NUBPL: variants seen among roughly 807,000 people sequenced by gnomAD.
NUBPL encodes NUBP iron-sulfur cluster assembly factor, mitochondrial.
NUBPL carries 31 observed loss-of-function variants against 45.7 expected under a neutral mutation model. The ratio of observed to expected loss-of-function variants is 0.68; its 90% CI spans 0.51 to 0.92. NUBPL has a LOEUF of 0.92. Among genes scored for constraint, NUBPL ranks in the 40% least tolerant of loss-of-function variants. The pLI, the probability that NUBPL is intolerant of heterozygous loss-of-function variation, is 0.00. For missense variants in NUBPL, 401 were observed against 398.7 expected, an observed-to-expected ratio of 1.01 and a Z score of -0.05; for synonymous variants, 144 against 140.9, an observed-to-expected ratio of 1.02 and a Z score of -0.15.
At chr14:31,829,829 A>G (rs2040161769) in intron 8 of NUBPL, among the ~76,000 whole-genome samples, 1 of 152,174 alleles carries the variant, frequency 6.6e-6, no homozygotes, top group African/African-American at 2.4e-5. Flanking sequence ...GAGATGAGCT[A>G]TTAAATTCTC....
chr14:31,672,775 G>A (rs59567287), intron 4 of NUBPL, among the ~76,000 whole-genome samples: 2,993 of 152,226 alleles, frequency 0.02, 90 homozygotes, highest in African/African-American at 0.069. Flanking sequence ...AATTGTATTT[G>A]AAGTATTTCT....
chr14:31,582,127 G>T (rs1376207119), intron 3 of NUBPL, among the ~76,000 whole-genome samples: 1 of 151,894 alleles, frequency 6.6e-6, no homozygotes, highest in Non-Finnish European at 1.5e-5. Context: ...AGGTGAATTG[G>T]GTACTGGCTA....
intron 4 of NUBPL, among the ~76,000 whole-genome samples, chr14:31,661,382 T>C (rs1380839901): frequency 6.6e-6 from 1 of 152,244 alleles, no homozygotes; most frequent in Non-Finnish European, 1.5e-5. Flanking sequence ...TAAGTTTTTC[T>C]ATTAAGTTTA....
At position 31,730,569 on chromosome 14, in the gene NUBPL, T is replaced by A. The variant is rs566313764; in HGVS notation, c.513+56995T>A. Among the ~76,000 whole-genome samples the A allele has an allele frequency of 1.6e-4, 24 of 151,876 alleles. No homozygotes were observed. The South Asian group carries it at 4.8e-3, about 30-fold the overall frequency. Reference sequence around the variant, plus strand: ...AGCTCCGCCTCCTGGGTTCACGCCATTCTCCTGCCTCAGTCTCCCGAGTAG... The same window carrying A: ...AGCTCCGCCTCCTGGGTTCACGCCAATCTCCTGCCTCAGTCTCCCGAGTAG... On this transcript the variant is annotated intron_variant, in intron 6 of 10. Coordinates refer to ENST00000281081, the MANE Select transcript of NUBPL (RefSeq NM_025152.3).
chr14:31,792,240 A>G (rs1294484609), intron 7 of NUBPL, among the ~76,000 whole-genome samples: 1 of 152,182 alleles, frequency 6.6e-6, no homozygotes, highest in African/African-American at 2.4e-5. Context: ...CCTGATAAAA[A>G]AATAAATTTA....
chr14:31,732,609 C>CTTTTTTTT lies in NUBPL; in HGVS notation c.514-55158_514-55151dup, dbSNP rs71986817. 2.5e-3 allele frequency among the ~76,000 whole-genome samples: 202 copies of CTTTTTTTT among 81,036 alleles called. 1 individual carries two copies. Among genetic ancestry groups the CTTTTTTTT allele is most frequent in the Admixed American group, 6.1e-3 (40 of 6,594 alleles). The allele number at this position is 81,036 out of a possible 152,430, so 53.2% of individuals were successfully genotyped here. On this transcript the variant is annotated intron_variant, in intron 6 of 10. Coordinates refer to ENST00000281081, the MANE Select transcript of NUBPL (RefSeq NM_025152.3). The stretch of plus-strand genomic sequence containing the variant: ...TAAGTCCAGCTTATCAATTTGTTCT[C>CTTTTTTTT]TTTTTTTTTTTTTTTTTTTTGAGAT...
chr14:31,665,276 G>GT (rs1285675669), intron 4 of NUBPL, among the ~76,000 whole-genome samples: 2 of 152,002 alleles, frequency 1.3e-5, no homozygotes, highest in African/African-American at 4.8e-5. Context: ...TTTTGAATTT[G>GT]TTTGCTCTTG....
At chr14:31,682,817 T>C (rs1453835650) in intron 6 of NUBPL, among the ~76,000 whole-genome samples, 3 of 152,196 alleles carry the variant, frequency 2.0e-5, no homozygotes, top group Non-Finnish European at 4.4e-5. Context: ...AAGGAATACC[T>C]GAGGCTGGGT....
At chr14:31,643,298 G>A (rs902298968) in intron 4 of NUBPL, among the ~76,000 whole-genome samples, 59 of 151,976 alleles carry the variant, frequency 3.9e-4, no homozygotes, top group African/African-American at 1.3e-3. Context: ...GGGTTATACG[G>A]CCTTTATTAT....
chr14:31,792,872 G>T (rs779540554), intron 7 of NUBPL, among the ~76,000 whole-genome samples: 1 of 152,054 alleles, frequency 6.6e-6, no homozygotes, highest in Non-Finnish European at 1.5e-5. Flanking sequence ...TACCAAAAAT[G>T]ATTCAGCTCC....
intron 6 of NUBPL, among the ~76,000 whole-genome samples, chr14:31,749,879 G>A (rs1357434702): frequency 6.6e-6 from 1 of 152,042 alleles, no homozygotes; most frequent in East Asian, 1.9e-4. Flanking sequence ...TCCTGTAGGT[G>A]TTCTTCATTC....
At chr14:31,850,068 T>C in intron 9 of NUBPL, 51 bp from the exon 10 acceptor site, 1 of 1,333,220 alleles carries the variant, frequency 7.5e-7, no homozygotes, top group Non-Finnish European at 1.1e-6. Flanking sequence ...AGATTCAAAA[T>C]GCCTATATGA....
chr14:31,743,536 C>T (rs8011663), intron 6 of NUBPL, among the ~76,000 whole-genome samples: 55,838 of 151,960 alleles, frequency 0.37, 12,572 homozygotes, highest in East Asian at 0.6. Context: ...TGCACCACCA[C>T]GCCCAGCTAA....
intron 3 of NUBPL, among the ~76,000 whole-genome samples, chr14:31,598,757 G>C (rs531402701): frequency 6.6e-6 from 1 of 152,196 alleles, no homozygotes; most frequent in African/African-American, 2.4e-5. Flanking sequence ...CAGTATCCTT[G>C]TTAGTGCTTC....
intron 4 of NUBPL, among the ~76,000 whole-genome samples, chr14:31,635,886 CTGTT>C (rs1324843191): frequency 1.3e-5 from 2 of 152,148 alleles, no homozygotes; most frequent in African/African-American, 4.8e-5. Context: ...ATTTGGCTCT[CTGTT>C]TGTCTGTTAT....
At chr14:31,572,593 G>A (rs905158285) in intron 3 of NUBPL, among the ~76,000 whole-genome samples, 28 of 152,228 alleles carry the variant, frequency 1.8e-4, no homozygotes, top group Middle Eastern at 3.4e-3. Context: ...GTAAAGTTTC[G>A]TTTTACTTTA....
At chr14:31,587,697 C>T (rs1454810123) in intron 3 of NUBPL, among the ~76,000 whole-genome samples, 6 of 152,066 alleles carry the variant, frequency 3.9e-5, no homozygotes, top group Non-Finnish European at 2.9e-5. Flanking sequence ...TAAAAATTGG[C>T]TAATATACCA....
chr14:31,855,560 A>T (rs1252467185), intron 10 of NUBPL, among the ~76,000 whole-genome samples: 1 of 152,014 alleles, frequency 6.6e-6, no homozygotes, highest in South Asian at 2.1e-4. Flanking sequence ...GATTATTTAC[A>T]TGAAGTACTT....
rs968622101 is a variant in NUBPL, at chr14:31,854,887, A to G, written c.898-4231A>G. ...TAAAACTGCACTGGCTAAAAAATTT[A>G]GCCTCAACAGTTTTTGAGAAATTGA... On this transcript the variant is annotated intron_variant, in intron 10 of 10. Transcript: ENST00000281081. Among the ~76,000 whole-genome samples, 4 of 152,254 alleles carry G rather than the reference A, an allele frequency of 2.6e-5. No individual in the cohort carries two copies. The South Asian group carries it at 6.2e-4, about 24-fold the overall frequency.
Sources: gnomAD v4.1 joint callset for allele counts (sites outside exome capture counted in the v4.1 genomes callset) on GRCh38, gnomAD v4.1.1 for gene constraint, MANE v1.5 for transcripts, NCBI Gene and HGNC (gene_info 2026-07-23, HGNC 2026-07-21) for gene names.